PRPH: variants seen among roughly 807,000 people sequenced by gnomAD.
PRPH encodes neurofilament 4 (57kD).
Under a neutral mutation model 52.6 loss-of-function variants are expected in PRPH, and 48 were observed. The observed-to-expected ratio is 0.91, with a 90% CI of 0.72 to 1.16. The LOEUF (loss-of-function observed/expected upper bound fraction) is 1.16, where lower values mean the gene tolerates loss of function less well. PRPH is among the 50% of genes most tolerant of loss of function. PRPH has a pLI of 0.00. For synonymous variants in PRPH, 279 were observed against 283.8 expected (o/e 0.98, Z 0.17); for missense variants, 579 against 635.7 (o/e 0.91, Z 0.96).
In PRPH at chr12:49,295,375, A is replaced by C. The variant is rs1466543237; in HGVS notation, c.175A>C (p.Ser59Arg). ...ASPSSSVRLG[S>R]FRSPRAGAGA... ...CCCGAGCTCCTCGGTGCGCCTGGGC[A>C]GCTTCCGTAGCCCCCGAGCGGGAGC... is the stretch of plus-strand genomic sequence containing the variant. The change falls in exon 1 of 9, where the codon AGC becomes CGC. Residue 59 changes from serine to arginine, a missense_variant. Coordinates refer to ENST00000257860, the MANE Select transcript of PRPH (RefSeq NM_006262.4). The C allele has an allele frequency of 6.2e-7, 1 of 1,608,284 alleles. No homozygotes were observed.
rs756401866 is a variant in PRPH, at chr12:49,296,878, C to G, written c.703-11C>G. ...CGCCGCTGTCCATCCTCTGCCTGCT[C>G]CCGGCCGTAGGAGCTGCGAGACCTG... On this transcript the variant is annotated splice_polypyrimidine_tract_variant and intron_variant, in intron 3 of 8. Transcript: ENST00000257860. The surrounding 1 kb of genome is among the most constrained non-coding windows in gnomAD (Gnocchi z 5.1). The G allele has an allele frequency of 3.1e-6, 5 of 1,605,792 alleles. No individual in the cohort carries two copies. The South Asian group carries it at 4.4e-5, about 14-fold the overall frequency.
In PRPH at chr12:49,296,879, C is replaced by A; in HGVS notation, c.703-10C>A. 1 of 1,606,256 alleles carries A rather than the reference C, an allele frequency of 6.2e-7. No individual in the cohort carries two copies. Among genetic ancestry groups the A allele is most frequent in the Non-Finnish European group, 8.5e-7 (1 of 1,176,792 alleles). On this transcript the variant is annotated splice_polypyrimidine_tract_variant and intron_variant, in intron 3 of 8. Transcript: ENST00000257860. This position sits in a 1 kb window ranked among gnomAD's most constrained non-coding sequence, Gnocchi z 5.1. ...GCCGCTGTCCATCCTCTGCCTGCTC[C>A]CGGCCGTAGGAGCTGCGAGACCTGC...
chr12:49,296,382 G>A lies in PRPH; in HGVS notation c.607-50G>A. On this transcript the variant is annotated intron_variant, in intron 2 of 8. Coordinates refer to ENST00000257860, the MANE Select transcript of PRPH (RefSeq NM_006262.4). The surrounding 1 kb of genome is among the most constrained non-coding windows in gnomAD (Gnocchi z 5.1). The stretch of plus-strand genomic sequence containing the variant: ...ACAGGGAAGGCCTGGTCCTTCCTTG[G>A]TCTGCGCAGCCCCTAACTTATCTTG... 6.3e-7 allele frequency: 1 copy of A among 1,597,828 alleles called. No homozygotes were observed. The highest frequency in any genetic ancestry group is 8.6e-7 in the Non-Finnish European group (1 of 1,166,050).
In PRPH at chr12:49,297,968, G is replaced by C. The variant is rs1943211657; in HGVS notation, c.1278G>C (p.Val426=). ...TCCTGCTTTCTTCAGTGCCTGAGGT[G>C]GAGCCTCCCCAGGACAGCCACAGCC... ...SLNIKTTVPE[V]EPPQDSHSRK... is the part of the protein sequence containing the mutation. Residue 426 remains valine (V), a synonymous_variant, in exon 8 of 9, where the codon GTG becomes GTC. Coordinates refer to ENST00000257860, the MANE Select transcript of PRPH (RefSeq NM_006262.4). This position sits in a 1 kb window ranked among gnomAD's most constrained non-coding sequence, Gnocchi z 4.4. The C allele has an allele frequency of 2.5e-6, 4 of 1,614,056 alleles. No homozygotes were observed. Among genetic ancestry groups the C allele is most frequent in the Non-Finnish European group, 1.7e-6 (2 of 1,180,052 alleles).
Position 49,296,695 on chromosome 12 carries a change from C to A in PRPH, c.702+168C>A. 1 of 1,121,806 alleles carries A rather than the reference C, an allele frequency of 8.9e-7. No homozygotes were observed. Among genetic ancestry groups the A allele is most frequent in the Non-Finnish European group, 1.3e-6 (1 of 781,822 alleles). 69.5% of individuals were successfully genotyped at this position (1,121,806 alleles called of 1,614,324 possible). A position where few individuals can be genotyped will look rare whatever the true frequency, so the allele number is the denominator to read the frequency against. ...AGACTCCCACCCTTGCGCCACCTGG[C>A]GGCGGGCAGCGGGGCTGTACCTCCG... On this transcript the variant is annotated intron_variant, in intron 3 of 8. Coordinates refer to ENST00000257860, the MANE Select transcript of PRPH (RefSeq NM_006262.4). The surrounding 1 kb of genome is among the most constrained non-coding windows in gnomAD (Gnocchi z 5.1).
chr12:49,297,098 G>T lies in PRPH; in HGVS notation c.870+42G>T. The T allele has an allele frequency of 1.9e-6, 3 of 1,613,908 alleles. No homozygotes were observed. The highest frequency in any genetic ancestry group is 2.5e-6 in the Non-Finnish European group (3 of 1,179,948). ...GGCCTGCGAGGCGGGACGCTGGGGT[G>T]GTGTCGCGCGTCCCAGCCGACTAAA... On this transcript the variant is annotated intron_variant, in intron 4 of 8. Transcript: ENST00000257860. The surrounding 1 kb of genome is among the most constrained non-coding windows in gnomAD (Gnocchi z 4.4).
In PRPH at chr12:49,297,068, G is replaced by C. The variant is rs267607531; in HGVS notation, c.870+12G>C. ...GGTACAAGTCCAAGGTGCAAGAGCC[G>C]GGAGGGCCTGCGAGGCGGGACGCTG... is the stretch of plus-strand genomic sequence containing the variant. On this transcript the variant is annotated intron_variant, in intron 4 of 8. Transcript: ENST00000257860. This position sits in a 1 kb window ranked among gnomAD's most constrained non-coding sequence, Gnocchi z 4.4. The C allele has an allele frequency of 1.9e-6, 3 of 1,613,912 alleles. No individual in the cohort carries two copies. Among genetic ancestry groups the C allele is most frequent in the Non-Finnish European group, 2.5e-6 (3 of 1,179,950 alleles).
Position 49,296,740 on chromosome 12 carries a change from GCGCCCGCGGGGGCGCAGGGCTGTA to G in PRPH, c.703-143_703-120del. 1.5e-6 allele frequency: 2 copies of G among 1,329,582 alleles called. No homozygotes were observed. The highest frequency in any genetic ancestry group is 1.4e-5 in the South Asian group (1 of 74,040). The allele number at this position is 1,329,582 out of a possible 1,614,324, so 82.4% of individuals were successfully genotyped here. On this transcript the variant is annotated intron_variant, in intron 3 of 8. Coordinates refer to ENST00000257860, the MANE Select transcript of PRPH (RefSeq NM_006262.4). This position sits in a 1 kb window ranked among gnomAD's most constrained non-coding sequence, Gnocchi z 5.1. ...CCTCCGAAACCTGGCCTCTGGTCTC[GCGCCCGCGGGGGCGCAGGGCTGTA>G]CGCCCTGCCCTCCCTGGCGCCCACT...
At chr12:49,295,803 C>T (rs1341703497) in intron 1 of PRPH, 58 bp downstream of exon 1, 6 of 1,441,016 alleles carry the variant, frequency 4.2e-6, no homozygotes, top group East Asian at 5.1e-5. Context: ...GCCGTCGAGG[C>T]GGCTGCTCTT....
rs1943197240 is a variant in PRPH at position 49,297,278 on chromosome 12, G to A, written c.996+5G>A. The A allele has an allele frequency of 6.2e-7, 1 of 1,613,870 alleles. No individual in the cohort carries two copies. On this transcript the variant is annotated splice_donor_5th_base_variant and intron_variant, in intron 5 of 8. Coordinates refer to ENST00000257860, the MANE Select transcript of PRPH (RefSeq NM_006262.4). This position sits in a 1 kb window ranked among gnomAD's most constrained non-coding sequence, Gnocchi z 4.4. ...GTGGACGGGCTGCGCGGCACGGTGA[G>A]TACGAAGCTGCGCGCTCGGGCCCGG...
At position 49,295,227 on chromosome 12, in the gene PRPH, G is replaced by T; in HGVS notation, c.27G>T (p.Arg9=). 1 of 1,611,660 alleles carries T rather than the reference G, an allele frequency of 6.2e-7. No individual in the cohort carries two copies. Among genetic ancestry groups the T allele is most frequent in the East Asian group, 2.2e-5 (1 of 44,824 alleles). ...TGAGCCACCACCCGTCGGGCCTCCG[G>T]GCCGGCTTCAGCTCCACCTCATACC... MSHHPSGL[R]AGFSSTSYRR... is the part of the protein sequence containing the mutation. The change falls in exon 1 of 9, where the codon CGG becomes CGT. Residue 9 remains arginine (R), a synonymous_variant. Transcript: ENST00000257860.
Position 49,297,922 on chromosome 12 carries a change from C to G in PRPH, c.1268-36C>G, listed in dbSNP as rs776373554. 1 of 1,610,372 alleles carries G rather than the reference C, an allele frequency of 6.2e-7. No individual in the cohort carries two copies. The highest frequency in any genetic ancestry group is 1.3e-5 in the African/African-American group (1 of 74,824). ...GAGCCTAAGAGGAGAGATTCCCACGCCTTCCCCCTTGAACCCTTTATCCTG... is the reference window on the plus strand; with the variant it reads ...GAGCCTAAGAGGAGAGATTCCCACGGCTTCCCCCTTGAACCCTTTATCCTG... On this transcript the variant is annotated intron_variant, in intron 7 of 8. Coordinates refer to ENST00000257860, the MANE Select transcript of PRPH (RefSeq NM_006262.4). The surrounding 1 kb of genome is among the most constrained non-coding windows in gnomAD (Gnocchi z 4.4).
chr12:49,298,438 T>C lies in PRPH; in HGVS notation c.*85T>C, dbSNP rs531122053. 2 of 1,416,322 alleles carry C rather than the reference T, an allele frequency of 1.4e-6. No individual in the cohort carries two copies. Among genetic ancestry groups the C allele is most frequent in the Non-Finnish European group, 2.0e-6 (2 of 1,009,538 alleles). The allele number at this position is 1,416,322 out of a possible 1,614,324, so 87.7% of individuals were successfully genotyped here. On this transcript the variant is annotated 3_prime_UTR_variant, in exon 9 of 9. Coordinates refer to ENST00000257860, the MANE Select transcript of PRPH (RefSeq NM_006262.4). ...CCACTCCTGAATTGTCTCCTCTCCC[T>C]CTGCATGTGTCTAAAAGGTGGTACC...
Position 49,297,471 on chromosome 12 carries a change from G to A in PRPH, c.1111G>A (p.Glu371Lys). 6.2e-7 allele frequency: 1 copy of A among 1,612,718 alleles called. No homozygotes were observed. The highest frequency in any genetic ancestry group is 8.5e-7 in the Non-Finnish European group (1 of 1,179,900). The change falls in exon 6 of 9, where the codon GAG becomes AAG. Residue 371 changes from glutamate (E) to lysine (K), a missense_variant. Transcript: ENST00000257860. The surrounding 1 kb of genome is among the most constrained non-coding windows in gnomAD (Gnocchi z 4.4). ...GGAGGAGCTGCGACAGCTAAAAGAG[G>A]AGATGGCGCGGCACCTGAGGGAGTA... ...LEEELRQLKE[E>K]MARHLREYQE...
In PRPH at chr12:49,297,114, G is replaced by A. The variant is rs1196976272; in HGVS notation, c.871-34G>A. 1 of 1,613,940 alleles carries A rather than the reference G, an allele frequency of 6.2e-7. No individual in the cohort carries two copies. Among genetic ancestry groups the A allele is most frequent in the East Asian group, 2.2e-5 (1 of 44,866 alleles). On this transcript the variant is annotated intron_variant, in intron 4 of 8. Coordinates refer to ENST00000257860, the MANE Select transcript of PRPH (RefSeq NM_006262.4). This position sits in a 1 kb window ranked among gnomAD's most constrained non-coding sequence, Gnocchi z 4.4. ...CGCTGGGGTGGTGTCGCGCGTCCCA[G>A]CCGACTAAAGCCTGGGTTACCCCCA...
chr12:49,298,052 C>G lies in PRPH; in HGVS notation c.1347+15C>G, dbSNP rs755459304. 2 of 1,612,342 alleles carry G rather than the reference C, an allele frequency of 1.2e-6. No individual in the cohort carries two copies. Among genetic ancestry groups the G allele is most frequent in the Admixed American group, 1.7e-5 (1 of 60,020 alleles). On this transcript the variant is annotated intron_variant, in intron 8 of 8. Coordinates refer to ENST00000257860, the MANE Select transcript of PRPH (RefSeq NM_006262.4). ...GGAATGGGGAGGTGAGGCAGGTCCCCTAATGCCAGGACCCCACCATTTCCC... is the reference window on the plus strand; with the variant it reads ...GGAATGGGGAGGTGAGGCAGGTCCCGTAATGCCAGGACCCCACCATTTCCC...
At position 49,296,792 on chromosome 12, in the gene PRPH, T is replaced by C; in HGVS notation, c.703-97T>C. On this transcript the variant is annotated intron_variant, in intron 3 of 8. Coordinates refer to ENST00000257860, the MANE Select transcript of PRPH (RefSeq NM_006262.4). The surrounding 1 kb of genome is among the most constrained non-coding windows in gnomAD (Gnocchi z 5.1). ...CCCTGCCCTCCCTGGCGCCCACTTC[T>C]GTTCGTTCAAGCGTTTCTTCTCTTT... 6.6e-7 allele frequency: 1 copy of C among 1,524,174 alleles called. No homozygotes were observed. Among genetic ancestry groups the C allele is most frequent in the Non-Finnish European group, 8.9e-7 (1 of 1,129,252 alleles). 94.4% of individuals were successfully genotyped at this position (1,524,174 alleles called of 1,614,324 possible). A position where few individuals can be genotyped will look rare whatever the true frequency, so the allele number is the denominator to read the frequency against.
At position 49,295,717 on chromosome 12, in the gene PRPH, GC is replaced by G. The variant is rs769495157; in HGVS notation, c.518del (p.Ala173GlyfsTer42). On this transcript the variant is annotated frameshift_variant, in exon 1 of 9. Transcript: ENST00000257860. LOFTEE classifies it high-confidence loss of function. ...DRVQVERDGL[A>X]EDLAALKQRL... ...GGTGCAGGTGGAGCGCGACGGGCTG[GC>G]GGAGGACCTGGCGGCGCTCAAGCAG... 6.6e-7 allele frequency: 1 copy of G among 1,523,394 alleles called. No homozygotes were observed. The highest frequency in any genetic ancestry group is 1.2e-5 in the South Asian group (1 of 81,698). The allele number at this position is 1,523,394 out of a possible 1,614,324, so 94.4% of individuals were successfully genotyped here. A position where few individuals can be genotyped will look rare whatever the true frequency, so the allele number is the denominator to read the frequency against.
Position 49,295,310 on chromosome 12 carries a change from G to A in PRPH, c.110G>A (p.Ser37Asn), listed in dbSNP as rs758627336. 1 of 1,611,544 alleles carries A rather than the reference G, an allele frequency of 6.2e-7. No individual in the cohort carries two copies. Among genetic ancestry groups the A allele is most frequent in the South Asian group, 1.1e-5 (1 of 90,866 alleles). ...CCCGGGGCCTTCTCCTACTCGTCCA[G>A]CTCCCGCTTCTCCAGCAGCCGCCTG... ...LSPGAFSYSS[S>N]SRFSSSRLLG... is the part of the protein sequence containing the mutation. Residue 37 changes from serine to asparagine, a missense_variant, in exon 1 of 9, where the codon AGC (serine) becomes AAC (asparagine). By Grantham distance (46) the Ser-to-Asn change is conservative (BLOSUM62 1). Transcript: ENST00000257860.
Sources: allele counts gnomAD v4.1 joint callset, GRCh38; gene constraint gnomAD v4.1.1; non-coding constraint Gnocchi (gnomAD v3.1); transcripts MANE v1.5; gene names NCBI Gene and HGNC (gene_info 2026-07-23, HGNC 2026-07-21).